Variants in SPOCK1 observed in about 807,000 individuals in gnomAD.
SPOCK1 encodes SPARC (osteonectin), cwcv and kazal like domains proteoglycan 1.
SPOCK1 carries 23 observed loss-of-function variants against 55.3 expected under a neutral mutation model. That is an observed-to-expected ratio of 0.42 (90% CI 0.30 to 0.59). The LOEUF is 0.59. SPOCK1 is among the 20% of genes least tolerant of loss of function. The pLI is 0.22. For missense variants in SPOCK1, 499 were observed against 552.5 expected (o/e 0.90, Z 0.97); for synonymous variants, 226 against 221.0 (o/e 1.02, Z -0.20).
At chr5:137,263,538 C>T (rs1460455824) in intron 3 of SPOCK1, among the ~76,000 whole-genome samples, 1 of 152,210 alleles carries the variant, frequency 6.6e-6, no homozygotes, top group African/African-American at 2.4e-5. Context: ...TTTCTCCTGA[C>T]TATGCAAGAT....
At chr5:137,429,016 C>T (rs1416392611) in intron 2 of SPOCK1, among the ~76,000 whole-genome samples, 1 of 152,232 alleles carries the variant, frequency 6.6e-6, no homozygotes, top group Non-Finnish European at 1.5e-5. Flanking sequence ...ATGGTACTCT[C>T]GCCCTACCTT....
chr5:137,417,772 AT>A (rs1273539724), intron 2 of SPOCK1, among the ~76,000 whole-genome samples: 3 of 151,698 alleles, frequency 2.0e-5, no homozygotes, highest in African/African-American at 4.8e-5. Context: ...AAGTTTTTCT[AT>A]TTTTTTATCT....
At chr5:137,056,071 T>C (rs1752293623) in intron 6 of SPOCK1, among the ~76,000 whole-genome samples, 1 of 152,208 alleles carries the variant, frequency 6.6e-6, no homozygotes, top group South Asian at 2.1e-4. Flanking sequence ...CCTCAGTTAC[T>C]TCATTCCACA....
chr5:137,478,001 G>A (rs1407520061), intron 2 of SPOCK1, among the ~76,000 whole-genome samples: 1 of 152,156 alleles, frequency 6.6e-6, no homozygotes, highest in Non-Finnish European at 1.5e-5. Flanking sequence ...CAGATTTGAA[G>A]TTCCCCTTCT....
At position 136,978,194 on chromosome 5, in the gene SPOCK1, TTTTG is replaced by T. The variant is rs1277326540; in HGVS notation, c.*456_*459del. On this transcript the variant is annotated 3_prime_UTR_variant, in exon 11 of 11. Coordinates refer to ENST00000394945, the MANE Select transcript of SPOCK1 (RefSeq NM_004598.4). ...GGGAAAAAGTACAGTGTGGTGTATTTTTTGTTTTTTTCTTTTTCACAACATCTAC... is the reference window on the plus strand; with the variant it reads ...GGGAAAAAGTACAGTGTGGTGTATTTTTTTTTTCTTTTTCACAACATCTAC... 2.8e-6 allele frequency: 1 copy of T among 354,370 alleles called. No homozygotes were observed. Among genetic ancestry groups the T allele is most frequent in the Non-Finnish European group, 5.0e-6 (1 of 199,350 alleles). 22.0% of individuals were successfully genotyped at this position (354,370 alleles called of 1,614,324 possible). A position where few individuals can be genotyped will look rare whatever the true frequency, so the allele number is the denominator to read the frequency against.
chr5:136,989,763 G>A (rs1015051253), intron 7 of SPOCK1, among the ~76,000 whole-genome samples: 1 of 152,122 alleles, frequency 6.6e-6, no homozygotes. Context: ...AGTTGGCCTA[G>A]AGTGTCACGT....
intron 2 of SPOCK1, among the ~76,000 whole-genome samples, chr5:137,391,973 C>T (rs1020256255): frequency 2.0e-5 from 3 of 152,148 alleles, no homozygotes; most frequent in African/African-American, 7.2e-5. Flanking sequence ...CTGAAACTGC[C>T]CTCTCCAACA....
At chr5:137,193,770 G>C (rs1292943402) in intron 3 of SPOCK1, among the ~76,000 whole-genome samples, 1 of 152,188 alleles carries the variant, frequency 6.6e-6, no homozygotes, top group African/African-American at 2.4e-5. Flanking sequence ...ATACTTGATA[G>C]CTCAATATAG....
chr5:137,426,795 A>C (rs1752620872), intron 2 of SPOCK1, among the ~76,000 whole-genome samples: 1 of 152,126 alleles, frequency 6.6e-6, no homozygotes, highest in East Asian at 1.9e-4. Flanking sequence ...TGGCACCCCC[A>C]TTGCTCAGTC....
intron 2 of SPOCK1, among the ~76,000 whole-genome samples, chr5:137,400,615 C>T (rs891700530): frequency 7.2e-5 from 11 of 152,124 alleles, no homozygotes; most frequent in African/African-American, 1.2e-4. Context: ...AAGAACTCTC[C>T]GCCTAACTAG....
intron 5 of SPOCK1, among the ~76,000 whole-genome samples, chr5:137,074,698 T>C (rs1752715502): frequency 6.7e-6 from 1 of 149,544 alleles, no homozygotes. Flanking sequence ...TGTATTTTGT[T>C]GTTGTTGTTG....
rs145008297 is a variant in SPOCK1 at position 137,496,003 on chromosome 5, A to G, written c.186+2370T>C. Among the ~76,000 whole-genome samples, 130 of 152,344 alleles carry G rather than the reference A, an allele frequency of 8.5e-4. 2 individuals are homozygous for G. In the South Asian group the frequency reaches 0.012, roughly 14 times the overall value. ...TTTTTAAATATATGCTGCTAAAAATATTAGTTTAATGTCTAAAACCGCTCC... is the reference window on the plus strand; with the variant it reads ...TTTTTAAATATATGCTGCTAAAAATGTTAGTTTAATGTCTAAAACCGCTCC... On this transcript the variant is annotated intron_variant, in intron 2 of 10. Coordinates refer to ENST00000394945, the MANE Select transcript of SPOCK1 (RefSeq NM_004598.4).
chr5:137,300,215 A>T (rs1444399597), intron 2 of SPOCK1, among the ~76,000 whole-genome samples: 2 of 152,164 alleles, frequency 1.3e-5, no homozygotes, highest in African/African-American at 4.8e-5. Context: ...TTTCAGATAG[A>T]ATTTTCATTT....
chr5:137,498,677 C>T, intron 1 of SPOCK1, 119 bp from the exon 2 acceptor site: 1 of 824,156 alleles, frequency 1.2e-6, no homozygotes, highest in South Asian at 6.0e-5. Flanking sequence ...GCACGGGCAG[C>T]GCTCGCGCAC....
chr5:137,384,487 T>C (rs1751554983), intron 2 of SPOCK1, among the ~76,000 whole-genome samples: 1 of 151,894 alleles, frequency 6.6e-6, no homozygotes, highest in Non-Finnish European at 1.5e-5. Context: ...CCATCACAAA[T>C]TCACACAGAC....
rs115954336 is a variant in SPOCK1 at position 137,125,314 on chromosome 5, G to T, written c.348-12753C>A. Among the ~76,000 whole-genome samples, 487 of 152,306 alleles carry T rather than the reference G, an allele frequency of 3.2e-3. 1 individual carries two copies. Among genetic ancestry groups the T allele is most frequent in the African/African-American group, 0.011 (461 of 41,564 alleles). On this transcript the variant is annotated intron_variant, in intron 4 of 10. Coordinates refer to ENST00000394945, the MANE Select transcript of SPOCK1 (RefSeq NM_004598.4). ...ATGGCTGACACTCCAGAGGGAATCTGGGCATTGCAAGTGAGTGGTAAGAGC... is the reference window on the plus strand; with the variant it reads ...ATGGCTGACACTCCAGAGGGAATCTTGGCATTGCAAGTGAGTGGTAAGAGC...
At chr5:137,490,683 C>T (rs563375576) in intron 2 of SPOCK1, among the ~76,000 whole-genome samples, 31 of 152,304 alleles carry the variant, frequency 2.0e-4, no homozygotes, top group South Asian at 6.2e-4. Flanking sequence ...GCAACCTTCG[C>T]ATAACTTGGA....
intron 6 of SPOCK1, among the ~76,000 whole-genome samples, chr5:137,060,457 G>A (rs1010803130): frequency 6.6e-6 from 1 of 152,190 alleles, no homozygotes; most frequent in Non-Finnish European, 1.5e-5. Flanking sequence ...TGAGGGTTGA[G>A]TGTGGGAGGA....
chr5:137,378,447 T>C (rs951421344), intron 2 of SPOCK1, among the ~76,000 whole-genome samples: 8 of 152,188 alleles, frequency 5.3e-5, no homozygotes, highest in South Asian at 2.1e-4. Context: ...CCAGTTGATA[T>C]TGAAAAACCA....
Sources: gnomAD v4.1 joint callset for allele counts (sites outside exome capture counted in the v4.1 genomes callset) on GRCh38, gnomAD v4.1.1 for gene constraint, MANE v1.5 for transcripts, NCBI Gene and HGNC (gene_info 2026-07-23, HGNC 2026-07-21) for gene names.